Variants in PTPRM observed in about 807,000 individuals in gnomAD.
PTPRM encodes protein tyrosine phosphatase receptor type M.
Under a neutral mutation model 186.7 loss-of-function variants are expected in PTPRM, and 47 were observed. That is an observed-to-expected ratio of 0.25 (90% CI 0.20 to 0.32). The LOEUF (loss-of-function observed/expected upper bound fraction) is 0.32. Ranked by LOEUF, PTPRM falls within the 10% of genes least tolerant of loss-of-function variation. The probability of loss-of-function intolerance (pLI) is 1.00; values close to 1 mark genes in which losing one functional copy is unlikely to be tolerated. For missense variants in PTPRM, 1,494 were observed against 1,865.0 expected, an observed-to-expected ratio of 0.80 and a Z score of 3.66; for synonymous variants, 668 against 674.9, an observed-to-expected ratio of 0.99 and a Z score of 0.16.
intron 2 of PTPRM, among the ~76,000 whole-genome samples, chr18:7,855,357 G>A (rs2047046954): frequency 6.6e-6 from 1 of 152,166 alleles, no homozygotes; most frequent in Non-Finnish European, 1.5e-5. Flanking sequence ...GGCTTGGGAA[G>A]TGCCTCATTC....
Position 7,769,384 on chromosome 18 carries a change from T to C in PTPRM, c.74-4765T>C, listed in dbSNP as rs369967284. ...AATGAGGATCATAGTATCTACCTCA[T>C]AGAGTTGGTGTGAGGATTAAACAAG... is the stretch of plus-strand genomic sequence containing the variant. On this transcript the variant is annotated intron_variant, in intron 1 of 32. Coordinates refer to ENST00000580170, the MANE Select transcript of PTPRM (RefSeq NM_001105244.2). Among the ~76,000 whole-genome samples, 7 of 152,298 alleles carry C rather than the reference T, an allele frequency of 4.6e-5. No homozygotes were observed. In the East Asian group the frequency reaches 7.7e-4, roughly 17 times the overall value.
At chr18:7,826,131 G>T (rs2045472449) in intron 2 of PTPRM, among the ~76,000 whole-genome samples, 1 of 152,206 alleles carries the variant, frequency 6.6e-6, no homozygotes. Flanking sequence ...ACTGAGTGAG[G>T]CTCTGTTAGG....
At chr18:8,306,640 G>T (rs2095225173) in intron 20 of PTPRM, among the ~76,000 whole-genome samples, 1 of 152,220 alleles carries the variant, frequency 6.6e-6, no homozygotes, top group Non-Finnish European at 1.5e-5. Flanking sequence ...GAATTCTACA[G>T]ATCTTATGCC....
Position 8,231,696 on chromosome 18 carries a change from A to G in PTPRM, c.2301-12362A>G, listed in dbSNP as rs145453013. ...TCAGCGCGCATTTCTCTCCTGTCCTACCTTTATTCTACTTTACAGTTTTTG... is the reference window on the plus strand; with the variant it reads ...TCAGCGCGCATTTCTCTCCTGTCCTGCCTTTATTCTACTTTACAGTTTTTG... On this transcript the variant is annotated intron_variant, in intron 14 of 32. Coordinates refer to ENST00000580170, the MANE Select transcript of PTPRM (RefSeq NM_001105244.2). Among the ~76,000 whole-genome samples the G allele has an allele frequency of 5.9e-3, 899 of 152,198 alleles. 12 individuals are homozygous for G. The highest frequency in any genetic ancestry group is 0.02 in the African/African-American group (848 of 41,516).
At chr18:8,082,547 C>T (rs929972799) in intron 9 of PTPRM, among the ~76,000 whole-genome samples, 1 of 144,682 alleles carries the variant, frequency 6.9e-6, no homozygotes, top group Non-Finnish European at 1.5e-5. Context: ...CCCCTTCTCT[C>T]TCTGCTTTTT....
rs1477981898 is a variant in PTPRM, at chr18:8,123,962, G to A, written c.2167+9135G>A. ...CCACTAACTTCAGATGAAGCATGCTGTTTACTAGGAATGAAGTAAGCGAGG... is the reference window on the plus strand; with the variant it reads ...CCACTAACTTCAGATGAAGCATGCTATTTACTAGGAATGAAGTAAGCGAGG... On this transcript the variant is annotated intron_variant, in intron 13 of 32. Transcript: ENST00000580170. Among the ~76,000 whole-genome samples, 9 of 152,148 alleles carry A rather than the reference G, an allele frequency of 5.9e-5. No homozygotes were observed. The East Asian group carries it at 1.7e-3, about 29-fold the overall frequency.
At chr18:8,244,489 G>A (rs2094459711) in intron 15 of PTPRM, among the ~76,000 whole-genome samples, 1 of 152,148 alleles carries the variant, frequency 6.6e-6, no homozygotes, top group Admixed American at 6.5e-5. Flanking sequence ...TGAGGAAGAA[G>A]GCACCTGCTT....
At chr18:8,379,423 C>A in intron 28 of PTPRM, 83 bp downstream of exon 28, 1 of 1,320,124 alleles carries the variant, frequency 7.6e-7, no homozygotes. Context: ...CCCCATTCTG[C>A]TCACCAGCCC....
At chr18:7,661,399 C>T (rs1388888537) in intron 1 of PTPRM, among the ~76,000 whole-genome samples, 1 of 152,192 alleles carries the variant, frequency 6.6e-6, no homozygotes, top group Non-Finnish European at 1.5e-5. Context: ...GGATTCTTGC[C>T]AGTGCAGTTT....
intron 1 of PTPRM, among the ~76,000 whole-genome samples, chr18:7,700,993 A>AAAAAG (rs10653685): frequency 0.3 from 30,575 of 103,476 alleles, 6,155 homozygotes; most frequent in East Asian, 0.78. Flanking sequence ...AAAAAAAAAA[A>AAAAAG]AAAGAAAGAA....
At chr18:8,115,139 T>C (rs1329237727) in intron 13 of PTPRM, among the ~76,000 whole-genome samples, 1 of 152,214 alleles carries the variant, frequency 6.6e-6, no homozygotes, top group East Asian at 1.9e-4. Flanking sequence ...TACACGTTTT[T>C]TAATCCATAG....
chr18:8,314,266 A>G (rs1015084437), intron 20 of PTPRM, among the ~76,000 whole-genome samples: 1 of 152,096 alleles, frequency 6.6e-6, no homozygotes, highest in Non-Finnish European at 1.5e-5. Flanking sequence ...CACATGATGG[A>G]TGGTGACAGC....
intron 32 of PTPRM, chr18:8,403,772 C>G (rs1428590833): frequency 2.0e-5 from 3 of 152,184 alleles, no homozygotes; most frequent in Non-Finnish European, 4.4e-5. Context: ...AGCTTCCAGT[C>G]TTTATAGATT....
chr18:8,351,279 C>T (rs998884151), intron 23 of PTPRM, among the ~76,000 whole-genome samples: 1 of 152,236 alleles, frequency 6.6e-6, no homozygotes, highest in African/African-American at 2.4e-5. Context: ...AGCCCTTCCT[C>T]ATTTATAGTA....
At chr18:7,582,415 C>A (rs2036869316) in intron 1 of PTPRM, among the ~76,000 whole-genome samples, 1 of 152,184 alleles carries the variant, frequency 6.6e-6, no homozygotes, top group South Asian at 2.1e-4. Flanking sequence ...TGAACCAAGA[C>A]TTCTGGGCTA....
intron 14 of PTPRM, among the ~76,000 whole-genome samples, chr18:8,238,452 T>A (rs1234872502): frequency 6.6e-6 from 1 of 152,110 alleles, no homozygotes. Context: ...CGTTTCTTTT[T>A]TGGCTTTCTT....
At chr18:8,278,092 G>A (rs1275108999) in intron 19 of PTPRM, among the ~76,000 whole-genome samples, 1 of 152,200 alleles carries the variant, frequency 6.6e-6, no homozygotes, top group African/African-American at 2.4e-5. Flanking sequence ...ACCACACATA[G>A]CTATTTCTCC....
At chr18:8,240,677 GA>G (rs869202663) in intron 14 of PTPRM, among the ~76,000 whole-genome samples, 1 of 80,050 alleles carries the variant, frequency 1.2e-5, no homozygotes, top group African/African-American at 5.7e-5. Flanking sequence ...AAGAAAGAAA[GA>G]AAAAGAAAGA....
At chr18:8,043,092 T>C (rs1266931435) in intron 7 of PTPRM, among the ~76,000 whole-genome samples, 2 of 152,200 alleles carry the variant, frequency 1.3e-5, no homozygotes, top group Non-Finnish European at 2.9e-5. Context: ...GCTGACCTCA[T>C]GCAAGGGAGA....
Sources: allele counts gnomAD v4.1 joint callset (sites outside exome capture counted in the v4.1 genomes callset), GRCh38; gene constraint gnomAD v4.1.1; transcripts MANE v1.5; gene names NCBI Gene and HGNC (gene_info 2026-07-23, HGNC 2026-07-21).